Variants in PPP3R1 observed in about 807,000 individuals in gnomAD.
The protein encoded by PPP3R1 is protein phosphatase 3 regulatory subunit B, alpha.
In PPP3R1, 5 loss-of-function variants were observed where a neutral mutation model predicts 22.6. The ratio of observed to expected loss-of-function variants is 0.22; its 90% CI spans 0.12 to 0.46. The LOEUF is 0.46. Among genes scored for constraint, PPP3R1 ranks in the 20% least tolerant of loss-of-function variants. The pLI is 0.99. For missense variants in PPP3R1, 61 were observed against 203.2 expected (o/e 0.30, Z 4.25); for synonymous variants, 56 against 65.2 (o/e 0.86, Z 0.68).
chr2:68,196,733 AT>A (rs995642765), intron 2 of PPP3R1, among the ~76,000 whole-genome samples: 67 of 146,756 alleles, frequency 4.6e-4, no homozygotes, highest in African/African-American at 6.5e-4. Flanking sequence ...TAAAAATGCT[AT>A]TTTTTTTTTT....
At chr2:68,251,091 C>T (rs564200656) in intron 1 of PPP3R1, 1 of 152,278 alleles carries the variant, frequency 6.6e-6, no homozygotes, top group African/African-American at 2.4e-5. Context: ...CGGAATAGCA[C>T]TCTGAACTTT....
intron 2 of PPP3R1, among the ~76,000 whole-genome samples, chr2:68,192,143 C>A (rs952121382): frequency 6.6e-6 from 1 of 152,166 alleles, no homozygotes; most frequent in Non-Finnish European, 1.5e-5. Flanking sequence ...GCAAACCATT[C>A]AGAACAGTGT....
At chr2:68,251,893 G>A (rs528391184) in intron 1 of PPP3R1, among the ~76,000 whole-genome samples, 22 of 145,782 alleles carry the variant, frequency 1.5e-4, no homozygotes, top group Non-Finnish European at 2.6e-4. Flanking sequence ...GCAGCAGAGG[G>A]GCGCCCCGCA....
intron 1 of PPP3R1, among the ~76,000 whole-genome samples, chr2:68,248,321 T>G (rs1670275824): frequency 6.6e-6 from 1 of 152,222 alleles, no homozygotes; most frequent in African/African-American, 2.4e-5. Flanking sequence ...TCTTACAGCA[T>G]CCCATGTTTA....
chr2:68,248,438 T>C (rs1422424585), intron 1 of PPP3R1, among the ~76,000 whole-genome samples: 1 of 152,248 alleles, frequency 6.6e-6, no homozygotes, highest in Non-Finnish European at 1.5e-5. Flanking sequence ...TAGTTAGTGC[T>C]AGGTACATTA....
At chr2:68,220,466 T>A (rs1207527275) in intron 1 of PPP3R1, among the ~76,000 whole-genome samples, 2 of 152,192 alleles carry the variant, frequency 1.3e-5, no homozygotes, top group South Asian at 4.1e-4. Context: ...GAGAAACTTG[T>A]AAATACACAG....
chr2:68,180,350 G>A lies in PPP3R1; in HGVS notation c.*613C>T, dbSNP rs1409673810. On this transcript the variant is annotated 3_prime_UTR_variant, in exon 6 of 6. Coordinates refer to ENST00000234310, the MANE Select transcript of PPP3R1 (RefSeq NM_000945.4). ...ATTCATAAGTATAAATAAAGTTACA[G>A]ACTCCTTTGTTACAAAAATGTAATT... The A allele has an allele frequency of 6.6e-6, 1 of 152,610 alleles. No homozygotes were observed. Among genetic ancestry groups the A allele is most frequent in the Non-Finnish European group, 1.5e-5 (1 of 68,038 alleles). 9.5% of individuals were successfully genotyped at this position (152,610 alleles called of 1,614,324 possible).
rs372530568 is a variant in PPP3R1 at position 68,199,378 on chromosome 2, CTA to C, written c.44-10690_44-10689del. Among the ~76,000 whole-genome samples, 391 of 152,268 alleles carry C rather than the reference CTA, an allele frequency of 2.6e-3. 4 individuals are homozygous for C. The highest frequency in any genetic ancestry group is 9.1e-3 in the African/African-American group (380 of 41,542). On this transcript the variant is annotated intron_variant, in intron 2 of 5. Coordinates refer to ENST00000234310, the MANE Select transcript of PPP3R1 (RefSeq NM_000945.4). ...ATCAGTCCTAGTAACTTAACATTTGCTATATATATAAAACCATGTCATCTGGG... is the reference window on the plus strand; with the variant it reads ...ATCAGTCCTAGTAACTTAACATTTGCTATATATAAAACCATGTCATCTGGG...
At chr2:68,226,395 C>T (rs1669781006) in intron 1 of PPP3R1, among the ~76,000 whole-genome samples, 1 of 152,084 alleles carries the variant, frequency 6.6e-6, no homozygotes, top group Non-Finnish European at 1.5e-5. Flanking sequence ...AATGGAATTG[C>T]TTAATACATA....
intron 1 of PPP3R1, among the ~76,000 whole-genome samples, chr2:68,228,472 A>C (rs1669828122): frequency 6.6e-6 from 1 of 152,148 alleles, no homozygotes. Flanking sequence ...TGTATATAAA[A>C]TTGGTCATAG....
intron 1 of PPP3R1, among the ~76,000 whole-genome samples, chr2:68,234,391 G>T (rs921731133): frequency 1.3e-5 from 2 of 151,956 alleles, no homozygotes; most frequent in African/African-American, 4.8e-5. Flanking sequence ...ACGCAGCTGG[G>T]TAGTGGTAGA....
At chr2:68,194,787 T>C (rs1233001237) in intron 2 of PPP3R1, among the ~76,000 whole-genome samples, 1 of 152,048 alleles carries the variant, frequency 6.6e-6, no homozygotes, top group African/African-American at 2.4e-5. Flanking sequence ...AAACAAAACT[T>C]TCCTCAAATT....
chr2:68,184,956 C>A (rs1674503213), intron 5 of PPP3R1, among the ~76,000 whole-genome samples: 1 of 152,186 alleles, frequency 6.6e-6, no homozygotes, highest in African/African-American at 2.4e-5. Context: ...CGCAGTGGCT[C>A]ACGCCTATAA....
intron 2 of PPP3R1, among the ~76,000 whole-genome samples, chr2:68,207,200 C>T (rs961495703): frequency 1.5e-5 from 2 of 136,246 alleles, no homozygotes; most frequent in African/African-American, 5.6e-5. Context: ...GAAATTGATC[C>T]AAATAGTCAG....
At chr2:68,198,361 GTACATATATGTACATGTA>G (rs1674870512) in intron 2 of PPP3R1, among the ~76,000 whole-genome samples, 3 of 96,088 alleles carry the variant, frequency 3.1e-5, no homozygotes, top group African/African-American at 7.9e-5. Flanking sequence ...GCATATATAT[GTACATATATGTACATGTA>G]TATGCATATA....
chr2:68,222,184 T>C (rs1669697885), intron 1 of PPP3R1, among the ~76,000 whole-genome samples: 1 of 151,896 alleles, frequency 6.6e-6, no homozygotes, highest in South Asian at 2.1e-4. Context: ...CACAAAAGGG[T>C]AGAGAAAAAA....
chr2:68,220,414 GCA>G (rs1168598968), intron 1 of PPP3R1, among the ~76,000 whole-genome samples: 1 of 152,202 alleles, frequency 6.6e-6, no homozygotes, highest in Admixed American at 6.5e-5. Flanking sequence ...TTGGGAGTTT[GCA>G]CAGAGCTAGG....
At chr2:68,212,208 G>A (rs1198818175) in intron 2 of PPP3R1, among the ~76,000 whole-genome samples, 1 of 152,174 alleles carries the variant, frequency 6.6e-6, no homozygotes, top group East Asian at 1.9e-4. Flanking sequence ...AGCCACCTGA[G>A]TAGCTGGGAT....
intron 2 of PPP3R1, among the ~76,000 whole-genome samples, chr2:68,200,639 G>A (rs147925894): frequency 8.5e-5 from 13 of 152,280 alleles, no homozygotes; most frequent in African/African-American, 3.1e-4. Flanking sequence ...GGGATTTCTT[G>A]AAATACTTTC....
Sources: allele counts gnomAD v4.1 joint callset (sites outside exome capture counted in the v4.1 genomes callset), GRCh38; gene constraint gnomAD v4.1.1; transcripts MANE v1.5; gene names NCBI Gene and HGNC (gene_info 2026-07-23, HGNC 2026-07-21).